Variants in PRKN observed in about 807,000 individuals in gnomAD.
PRKN encodes the protein parkin RBR E3 ubiquitin protein ligase, also known as E3 ubiquitin-protein ligase parkin.
A neutral mutation model predicts 59.5 loss-of-function variants in PRKN; 56 were observed. The ratio of observed to expected loss-of-function variants is 0.94; its 90% confidence interval spans 0.76 to 1.18. The LOEUF is 1.18. Ranked by LOEUF, PRKN falls within the 50% of genes most tolerant of loss-of-function variation. The pLI is 0.00. For missense variants in PRKN, 657 were observed against 596.4 expected, an observed-to-expected ratio of 1.10 and a Z score of -1.06; for synonymous variants, 250 against 222.1, an observed-to-expected ratio of 1.13 and a Z score of -1.12.
At chr6:161,656,919 G>A (rs949742800) in intron 7 of PRKN, among the ~76,000 whole-genome samples, 4 of 152,264 alleles carry the variant, frequency 2.6e-5, no homozygotes, top group East Asian at 1.9e-4. Flanking sequence ...TAAAACACAC[G>A]AATGTCAACG....
chr6:162,156,404 T>C (rs976981077), intron 4 of PRKN, among the ~76,000 whole-genome samples: 2 of 152,108 alleles, frequency 1.3e-5, no homozygotes, highest in Admixed American at 1.3e-4. Flanking sequence ...TCAGTCTGAC[T>C]CCTAAAACCT....
intron 2 of PRKN, among the ~76,000 whole-genome samples, chr6:162,441,513 C>T (rs954630581): frequency 1.8e-4 from 28 of 152,136 alleles, no homozygotes; most frequent in Non-Finnish European, 3.8e-4. Context: ...ATAATATTTT[C>T]AGGTGCGATA....
chr6:162,687,401 G>C (rs1043384281), intron 1 of PRKN, among the ~76,000 whole-genome samples: 4 of 151,916 alleles, frequency 2.6e-5, no homozygotes, highest in Non-Finnish European at 4.4e-5. Flanking sequence ...AGCCAGGATG[G>C]TCTCGATCTC....
chr6:161,463,869 T>C lies in PRKN; in HGVS notation c.1084-76992A>G, dbSNP rs1248221247. Among the ~76,000 whole-genome samples, 5 of 152,190 alleles carry C rather than the reference T, an allele frequency of 3.3e-5. No individual in the cohort carries two copies. Among genetic ancestry groups the C allele is most frequent in the Non-Finnish European group, 2.9e-5 (2 of 68,034 alleles). On this transcript the variant is annotated intron_variant, in intron 9 of 11. Coordinates refer to ENST00000366898, the MANE Select transcript of PRKN (RefSeq NM_004562.3). The surrounding 1 kb of genome is among the most constrained non-coding windows in gnomAD (Gnocchi z 4.8). Reference sequence around the variant, plus strand: ...CTGCAACTATCCCACAATATTATAGTATTATTCACTTATATTTAAGATACT... The same window carrying C: ...CTGCAACTATCCCACAATATTATAGCATTATTCACTTATATTTAAGATACT...
rs1786489955 is a variant in PRKN at position 161,391,211 on chromosome 6, AG to A, written c.1084-4335del. 6.6e-6 allele frequency among the ~76,000 whole-genome samples: 1 copy of A among 152,120 alleles called. No individual in the cohort carries two copies. Among genetic ancestry groups the A allele is most frequent in the Non-Finnish European group, 1.5e-5 (1 of 68,046 alleles). On this transcript the variant is annotated intron_variant, in intron 9 of 11. Coordinates refer to ENST00000366898, the MANE Select transcript of PRKN (RefSeq NM_004562.3). The surrounding 1 kb of genome is among the most constrained non-coding windows in gnomAD (Gnocchi z 4.9). ...TGGATCCTTCTTTAACCAACCATGT[AG>A]AAGGCTGAAATTTACCCAGGGATTT... is the stretch of plus-strand genomic sequence containing the variant.
chr6:162,399,184 A>G (rs1787636219), intron 2 of PRKN, among the ~76,000 whole-genome samples: 1 of 152,158 alleles, frequency 6.6e-6, no homozygotes, highest in Non-Finnish European at 1.5e-5. Context: ...CATAAGCAAC[A>G]GCAATTGGGT....
At chr6:161,583,333 C>T (rs535891529) in intron 7 of PRKN, among the ~76,000 whole-genome samples, 6 of 152,200 alleles carry the variant, frequency 3.9e-5, no homozygotes, top group African/African-American at 1.4e-4. Flanking sequence ...AGCTAAAAAA[C>T]ACATCTTGGG....
At chr6:162,637,116 G>A (rs929030826) in intron 1 of PRKN, among the ~76,000 whole-genome samples, 2 of 151,964 alleles carry the variant, frequency 1.3e-5, no homozygotes, top group Admixed American at 6.6e-5. Context: ...AAATAGCCGG[G>A]CGTGGTGGCG....
chr6:161,806,532 G>A (rs762803749), intron 6 of PRKN, among the ~76,000 whole-genome samples: 23 of 152,214 alleles, frequency 1.5e-4, no homozygotes, highest in Admixed American at 3.3e-4. Context: ...GACCCTATGT[G>A]GCTATGAAGC....
Position 161,598,579 on chromosome 6 carries a change from C to G in PRKN, c.872-29163G>C, listed in dbSNP as rs77857037. On this transcript the variant is annotated intron_variant, in intron 7 of 11. Transcript: ENST00000366898. ...CAAAACATATACACGCATATGATTT[C>G]TATATTATATGAATTTTGTATAAAA... 1.6e-4 allele frequency among the ~76,000 whole-genome samples: 25 copies of G among 152,242 alleles called. No homozygotes were observed. In the East Asian group the frequency reaches 4.8e-3, roughly 29 times the overall value.
chr6:161,419,825 AT>A lies in PRKN; in HGVS notation c.1084-32949del, dbSNP rs201872176. Among the ~76,000 whole-genome samples, 566 of 152,144 alleles carry A rather than the reference AT, an allele frequency of 3.7e-3. 4 individuals carry two copies. The highest frequency in any genetic ancestry group is 0.012 in the African/African-American group (516 of 41,488). ...GTTCACTTACCATCTCTGAATTTCC[AT>A]TTATTTCACTGTGAAAGGGGGAAAT... On this transcript the variant is annotated intron_variant, in intron 9 of 11. Transcript: ENST00000366898. The surrounding 1 kb of genome is among the most constrained non-coding windows in gnomAD (Gnocchi z 4.1).
intron 4 of PRKN, among the ~76,000 whole-genome samples, chr6:162,099,418 T>G (rs1043924160): frequency 6.6e-6 from 1 of 152,258 alleles, no homozygotes; most frequent in Non-Finnish European, 1.5e-5. Flanking sequence ...GACAGAAGCG[T>G]ACCCCTCCCT....
intron 7 of PRKN, among the ~76,000 whole-genome samples, chr6:161,757,381 T>C (rs533785645): frequency 1.3e-5 from 2 of 152,314 alleles, no homozygotes; most frequent in East Asian, 3.9e-4. Flanking sequence ...CTTACATTTT[T>C]ATAGTAAGAA....
At chr6:162,356,503 C>T (rs1038896731) in intron 2 of PRKN, among the ~76,000 whole-genome samples, 4 of 151,834 alleles carry the variant, frequency 2.6e-5, no homozygotes, top group Middle Eastern at 3.4e-3. Context: ...TAGTAGACTA[C>T]AATATTTAAG....
At chr6:161,516,298 AC>A (rs924759522) in intron 9 of PRKN, among the ~76,000 whole-genome samples, 1 of 151,368 alleles carries the variant, frequency 6.6e-6, no homozygotes, top group African/African-American at 2.4e-5. Context: ...AAAAACAAAA[AC>A]AAAAACAATC....
chr6:161,654,000 A>AT (rs777166954), intron 7 of PRKN, among the ~76,000 whole-genome samples: 24 of 112,898 alleles, frequency 2.1e-4, no homozygotes, highest in Non-Finnish European at 3.1e-4. Flanking sequence ...ACTGAATAAA[A>AT]TGCATTTTTT....
chr6:161,645,989 G>C (rs1377819727), intron 7 of PRKN, among the ~76,000 whole-genome samples: 3 of 124,540 alleles, frequency 2.4e-5, no homozygotes, highest in African/African-American at 5.5e-5. Context: ...GCGTGTGCGT[G>C]CGTGGCGGAG....
chr6:162,162,445 T>C (rs1782798174), intron 4 of PRKN, among the ~76,000 whole-genome samples: 1 of 152,124 alleles, frequency 6.6e-6, no homozygotes, highest in Non-Finnish European at 1.5e-5. Context: ...GAGGCACGAC[T>C]GTTTGTATTG....
chr6:162,596,132 T>C (rs989970339), intron 1 of PRKN, among the ~76,000 whole-genome samples: 2 of 152,212 alleles, frequency 1.3e-5, no homozygotes, highest in Middle Eastern at 3.4e-3. Context: ...TAACAACATA[T>C]TAAAACCCCC....
Sources: gnomAD v4.1 joint callset for allele counts (sites outside exome capture counted in the v4.1 genomes callset) on GRCh38, gnomAD v4.1.1 for gene constraint, Gnocchi (gnomAD v3.1) non-coding constraint, MANE v1.5 for transcripts, NCBI Gene and HGNC (gene_info 2026-07-23, HGNC 2026-07-21) for gene names.